The following OPN3 variants were observed in gnomAD, a reference collection of about 807,000 sequenced individuals.
The protein encoded by OPN3 is opsin 3.
In OPN3, 29 loss-of-function variants were observed where a neutral mutation model predicts 33.8. The observed-to-expected ratio is 0.86, with a 90% CI of 0.64 to 1.17. OPN3 has a LOEUF of 1.17. Among genes scored for constraint, OPN3 ranks in the 50% most tolerant of loss-of-function variants. The pLI is 0.00. For synonymous variants in OPN3, 216 were observed against 216.1 expected (o/e 1.00, Z 0.00); for missense variants, 437 against 514.1 (o/e 0.85, Z 1.45).
chr1:241,626,965 A>T (rs939297698), intron 1 of OPN3, among the ~76,000 whole-genome samples: 1 of 152,200 alleles, frequency 6.6e-6, no homozygotes, highest in Non-Finnish European at 1.5e-5. Context: ...TCTTCCTGCT[A>T]CACTTTGTCA....
At position 241,607,564 on chromosome 1, in the gene OPN3, A is replaced by G. The variant is rs377694714; in HGVS notation, c.374-2985T>C. ...AGCAAGAAGGAAGGAAGGAAGGAAGAAAGAAAGAAAGAAAAGAAAGAAAGA... is the reference window on the plus strand; with the variant it reads ...AGCAAGAAGGAAGGAAGGAAGGAAGGAAGAAAGAAAGAAAAGAAAGAAAGA... On this transcript the variant is annotated intron_variant, in intron 1 of 3. Transcript: ENST00000366554. 1.4e-4 allele frequency among the ~76,000 whole-genome samples: 17 copies of G among 117,622 alleles called. 1 individual carries two copies. Among genetic ancestry groups the G allele is most frequent in the East Asian group, 3.9e-4 (1 of 2,538 alleles). The allele number at this position is 117,622 out of a possible 152,430, so 77.2% of individuals were successfully genotyped here. A position where few individuals can be genotyped will look rare whatever the true frequency, so the allele number is the denominator to read the frequency against.
intron 1 of OPN3, chr1:241,633,786 T>C (rs1664744567): frequency 1.1e-5 from 17 of 1,612,426 alleles, no homozygotes; most frequent in Non-Finnish European, 1.4e-5. Context: ...CATTTCGAGA[T>C]TGCTCTTTTC....
intron 1 of OPN3, among the ~76,000 whole-genome samples, chr1:241,614,690 T>G (rs531191170): frequency 7.1e-6 from 1 of 141,598 alleles, no homozygotes; most frequent in Non-Finnish European, 1.5e-5. Flanking sequence ...TTTCTGCCTA[T>G]AGTCCCATTT....
At chr1:241,633,861 C>T in intron 1 of OPN3, 1 of 1,613,866 alleles carries the variant, frequency 6.2e-7, no homozygotes, top group Non-Finnish European at 8.5e-7. Flanking sequence ...TCTAGTTTGG[C>T]CATTACTACA....
intron 1 of OPN3, chr1:241,634,150 GTTTA>G: frequency 6.2e-7 from 1 of 1,613,452 alleles, no homozygotes; most frequent in South Asian, 1.1e-5. Context: ...GTTCTTCCTC[GTTTA>G]TTTCTGTTTC....
chr1:241,634,897 G>A (rs1558447832), intron 1 of OPN3: 1 of 1,610,916 alleles, frequency 6.2e-7, no homozygotes, highest in Non-Finnish European at 8.5e-7. Flanking sequence ...TTTCAACCAT[G>A]GTGAGTTCCT....
chr1:241,610,641 G>A (rs1201597167), intron 1 of OPN3, among the ~76,000 whole-genome samples: 4 of 152,100 alleles, frequency 2.6e-5, no homozygotes, highest in Non-Finnish European at 5.9e-5. Context: ...CTGTGTGTCA[G>A]GCACTGTGCT....
intron 2 of OPN3, among the ~76,000 whole-genome samples, chr1:241,598,920 A>G (rs1411506982): frequency 6.6e-6 from 1 of 152,166 alleles, no homozygotes; most frequent in Non-Finnish European, 1.5e-5. Flanking sequence ...AATACTTAGT[A>G]TTGATTACTT....
intron 1 of OPN3, among the ~76,000 whole-genome samples, chr1:241,628,481 C>T (rs373711854): frequency 7.2e-5 from 11 of 152,134 alleles, no homozygotes; most frequent in African/African-American, 2.2e-4. Flanking sequence ...ATCTGGCCTT[C>T]GCACAGGTCT....
intron 1 of OPN3, chr1:241,629,072 A>G (rs1419530926): frequency 6.6e-6 from 1 of 152,592 alleles, no homozygotes; most frequent in Non-Finnish European, 1.5e-5. Flanking sequence ...ACATATATCA[A>G]TATTATTGAA....
chr1:241,605,067 A>T (rs894303529), intron 1 of OPN3, among the ~76,000 whole-genome samples: 122 of 91,022 alleles, frequency 1.3e-3, no homozygotes, highest in African/African-American at 5.9e-3. Flanking sequence ...AAAAAAAAAA[A>T]AATAAAATAA....
intron 1 of OPN3, chr1:241,635,318 C>T (rs1664846086): frequency 6.2e-7 from 1 of 1,614,014 alleles, no homozygotes; most frequent in Non-Finnish European, 8.5e-7. Context: ...CATTTCGTCG[C>T]TATTAAAATA....
intron 3 of OPN3, among the ~76,000 whole-genome samples, chr1:241,597,085 A>G (rs1336136929): frequency 3.3e-5 from 5 of 152,022 alleles, no homozygotes; most frequent in Non-Finnish European, 5.9e-5. Context: ...CTGCCTCAGC[A>G]TGCCCAAGTG....
chr1:241,634,027 A>C, intron 1 of OPN3: 1 of 1,613,776 alleles, frequency 6.2e-7, no homozygotes, highest in South Asian at 1.1e-5. Flanking sequence ...GGCCACAGTC[A>C]GGCCCAGAGC....
chr1:241,599,057 A>G (rs1018891612), intron 2 of OPN3, among the ~76,000 whole-genome samples: 3 of 152,118 alleles, frequency 2.0e-5, no homozygotes, highest in Non-Finnish European at 4.4e-5. Context: ...ATTATTTAGA[A>G]ATATATTTTA....
intron 2 of OPN3, among the ~76,000 whole-genome samples, chr1:241,602,741 C>T (rs966230327): frequency 2.4e-4 from 36 of 152,274 alleles, no homozygotes; most frequent in African/African-American, 8.2e-4. Flanking sequence ...ACCAGAGCCC[C>T]ATCCTCATGA....
intron 1 of OPN3, among the ~76,000 whole-genome samples, chr1:241,609,262 T>G (rs1402807533): frequency 1.3e-5 from 2 of 152,166 alleles, no homozygotes; most frequent in African/African-American, 4.8e-5. Context: ...TGATCATCAC[T>G]CCACATATGA....
At position 241,617,645 on chromosome 1, in the gene OPN3, G is replaced by A. The variant is rs140726084; in HGVS notation, c.374-13066C>T. Among the ~76,000 whole-genome samples, 5 of 152,340 alleles carry A rather than the reference G, an allele frequency of 3.3e-5. No homozygotes were observed. The East Asian group carries it at 9.6e-4, about 29-fold the overall frequency. On this transcript the variant is annotated intron_variant, in intron 1 of 3. Transcript: ENST00000366554. ...CAAATGGAGAGCACGGAAACACAGA[G>A]GGCGAGTGCGACTCTTCTCTCAAGA...
rs1461862243 is a variant in OPN3, at chr1:241,634,297, C to A, written c.373+5585G>T. On this transcript the variant is annotated intron_variant, in intron 1 of 3. Transcript: ENST00000366554. ...TGGTTGAAGAACATAATTCTGTGACCCGTACAGCACAAGCTCCTGGCTCTG... is the reference window on the plus strand; with the variant it reads ...TGGTTGAAGAACATAATTCTGTGACACGTACAGCACAAGCTCCTGGCTCTG... 4.3e-6 allele frequency: 7 copies of A among 1,613,718 alleles called. No homozygotes were observed. In the East Asian group the frequency reaches 1.6e-4, roughly 36 times the overall value.
Sources: gnomAD v4.1 joint callset for allele counts (sites outside exome capture counted in the v4.1 genomes callset) on GRCh38, gnomAD v4.1.1 for gene constraint, MANE v1.5 for transcripts, NCBI Gene and HGNC (gene_info 2026-07-23, HGNC 2026-07-21) for gene names.